The following FLRT2 variants were observed in gnomAD, a reference collection of about 807,000 sequenced individuals.
The protein encoded by FLRT2 is fibronectin leucine rich transmembrane protein 2, also known as leucine-rich repeat transmembrane protein FLRT2.
In FLRT2, 15 loss-of-function variants were observed where a neutral mutation model predicts 40.0. The ratio of observed to expected loss-of-function variants is 0.38; its 90% confidence interval spans 0.25 to 0.58. The LOEUF is 0.58. Among genes scored for constraint, FLRT2 ranks in the 20% least tolerant of loss-of-function variants. FLRT2 has a pLI of 0.71. For missense variants in FLRT2, 726 were observed against 840.0 expected, an observed-to-expected ratio of 0.86 and a Z score of 1.68; for synonymous variants, 380 against 336.8, an observed-to-expected ratio of 1.13 and a Z score of -1.41.
chr14:85,562,960 T>C (rs1008461176), intron 1 of FLRT2: 2 of 152,168 alleles, frequency 1.3e-5, no homozygotes, highest in Non-Finnish European at 2.9e-5. Flanking sequence ...AGAAGCAGGA[T>C]GTACCAGAAA....
chr14:85,598,901 A>C (rs1470811391), intron 1 of FLRT2, among the ~76,000 whole-genome samples: 2 of 150,090 alleles, frequency 1.3e-5, no homozygotes, highest in Non-Finnish European at 2.9e-5. Flanking sequence ...AAGATGAAAT[A>C]AGAGAAATGG....
At chr14:85,599,133 G>A (rs978000757) in intron 1 of FLRT2, among the ~76,000 whole-genome samples, 2 of 151,404 alleles carry the variant, frequency 1.3e-5, no homozygotes, top group African/African-American at 4.8e-5. Context: ...TGTTAGCCAG[G>A]ATGATCTTGA....
rs572525412 is a variant in FLRT2 at position 85,621,297 on chromosome 14, A to T, written c.-218A>T. On this transcript the variant is annotated 5_prime_UTR_variant, in exon 2 of 2. Transcript: ENST00000330753. ...AGTGTGGAAAAATTCTCCCTGTTGA[A>T]TTTTTTGCACATGGAGGACAGCAGC... is the stretch of plus-strand genomic sequence containing the variant. 1.9e-6 allele frequency: 1 copy of T among 535,838 alleles called. No individual in the cohort carries two copies. Among genetic ancestry groups the T allele is most frequent in the East Asian group, 3.0e-5 (1 of 33,642 alleles). The allele number at this position is 535,838 out of a possible 1,614,324, so 33.2% of individuals were successfully genotyped here.
chr14:85,594,049 A>C (rs1221083315), intron 1 of FLRT2, among the ~76,000 whole-genome samples: 1 of 152,058 alleles, frequency 6.6e-6, no homozygotes, highest in Non-Finnish European at 1.5e-5. Context: ...CTCAAAAACA[A>C]AACAAAACAA....
Position 85,630,345 on chromosome 14 carries a change from C to A in FLRT2, c.*6848C>A, listed in dbSNP as rs1893836626. The A allele has an allele frequency of 8.4e-6, 1 of 119,508 alleles. No individual in the cohort carries two copies. The highest frequency in any genetic ancestry group is 2.8e-4 in the South Asian group (1 of 3,512). 7.4% of individuals were successfully genotyped at this position (119,508 alleles called of 1,614,324 possible). A position where few individuals can be genotyped will look rare whatever the true frequency, so the allele number is the denominator to read the frequency against. Reference sequence around the variant, plus strand: ...AAACTAGACGAAAACCTCAATATATCCTTAGGGGAATTCTTATTACTTCAA... The same window carrying A: ...AAACTAGACGAAAACCTCAATATATACTTAGGGGAATTCTTATTACTTCAA... On this transcript the variant is annotated 3_prime_UTR_variant, in exon 2 of 2. Coordinates refer to ENST00000330753, the MANE Select transcript of FLRT2 (RefSeq NM_013231.6).
At chr14:85,537,438 A>G (rs1197749618) in intron 1 of FLRT2, among the ~76,000 whole-genome samples, 1 of 152,170 alleles carries the variant, frequency 6.6e-6, no homozygotes, top group Non-Finnish European at 1.5e-5. Flanking sequence ...AACAACCATT[A>G]TCTTACTTCA....
chr14:85,583,742 G>A (rs933146520), intron 1 of FLRT2, among the ~76,000 whole-genome samples: 1 of 152,132 alleles, frequency 6.6e-6, no homozygotes, highest in Admixed American at 6.6e-5. Flanking sequence ...AAGAGCAGAG[G>A]CAGAAGCCTC....
intron 1 of FLRT2, among the ~76,000 whole-genome samples, chr14:85,611,912 G>GCGCGA (rs1204451219): frequency 7.0e-6 from 1 of 143,860 alleles, no homozygotes; most frequent in African/African-American, 2.6e-5. Context: ...GCGCGTGCGC[G>GCGCGA]AAAGCGTGTG....
rs1277408029 is a variant in FLRT2 at position 85,637,912 on chromosome 14, T to C, written c.*14415T>C. On this transcript the variant is annotated 3_prime_UTR_variant, in exon 2 of 2. Coordinates refer to ENST00000330753, the MANE Select transcript of FLRT2 (RefSeq NM_013231.6). ...AGTGTCATTTAAAGGGAATTTAAATTCTCTCTTGTCCTTACTCTGCTCCAC... is the reference window on the plus strand; with the variant it reads ...AGTGTCATTTAAAGGGAATTTAAATCCTCTCTTGTCCTTACTCTGCTCCAC... The C allele has an allele frequency of 6.6e-6, 1 of 152,168 alleles. No individual in the cohort carries two copies. 9.4% of individuals were successfully genotyped at this position (152,168 alleles called of 1,614,324 possible).
At chr14:85,565,381 A>G (rs1206839064) in intron 1 of FLRT2, among the ~76,000 whole-genome samples, 1 of 152,152 alleles carries the variant, frequency 6.6e-6, no homozygotes, top group Non-Finnish European at 1.5e-5. Flanking sequence ...TGAAGTGTGG[A>G]TATGTGACAG....
rs1011412603 is a variant in FLRT2 at position 85,637,421 on chromosome 14, G to T, written c.*13924G>T. 1 of 152,118 alleles carries T rather than the reference G, an allele frequency of 6.6e-6. No individual in the cohort carries two copies. Among genetic ancestry groups the T allele is most frequent in the Non-Finnish European group, 1.5e-5 (1 of 68,018 alleles). The allele number at this position is 152,118 out of a possible 1,614,324, so 9.4% of individuals were successfully genotyped here. A position where few individuals can be genotyped will look rare whatever the true frequency, so the allele number is the denominator to read the frequency against. On this transcript the variant is annotated 3_prime_UTR_variant, in exon 2 of 2. Coordinates refer to ENST00000330753, the MANE Select transcript of FLRT2 (RefSeq NM_013231.6). ...ATGTTTGGTTTCATATTTTTTAAAA[G>T]GTATAACAAAAACACCTACCACAGT... is the stretch of plus-strand genomic sequence containing the variant.
intron 1 of FLRT2, among the ~76,000 whole-genome samples, chr14:85,562,062 C>T (rs1411416606): frequency 1.3e-5 from 2 of 152,290 alleles, no homozygotes; most frequent in Non-Finnish European, 2.9e-5. Context: ...GACTCTTTCC[C>T]GCTACAGGGA....
At chr14:85,578,587 G>T (rs927489798) in intron 1 of FLRT2, among the ~76,000 whole-genome samples, 3 of 152,148 alleles carry the variant, frequency 2.0e-5, no homozygotes, top group African/African-American at 7.2e-5. Context: ...TCAGGACAAA[G>T]CTTTCAACCC....
At chr14:85,619,979 CTAG>C (rs1365373574) in intron 1 of FLRT2, among the ~76,000 whole-genome samples, 1 of 152,176 alleles carries the variant, frequency 6.6e-6, no homozygotes, top group Non-Finnish European at 1.5e-5. Flanking sequence ...TAATTTACCC[CTAG>C]TCGTGAGCTT....
intron 1 of FLRT2, among the ~76,000 whole-genome samples, chr14:85,613,246 G>A (rs1201622062): frequency 7.2e-5 from 11 of 152,110 alleles, no homozygotes; most frequent in Admixed American, 6.6e-4. Flanking sequence ...GAACTGAACT[G>A]TTAGGTACAT....
rs1269360506 is a variant in FLRT2, at chr14:85,634,894, T to C, written c.*11397T>C. 1 of 152,180 alleles carries C rather than the reference T, an allele frequency of 6.6e-6. No individual in the cohort carries two copies. The highest frequency in any genetic ancestry group is 1.5e-5 in the Non-Finnish European group (1 of 68,030). 9.4% of individuals were successfully genotyped at this position (152,180 alleles called of 1,614,324 possible). A position where few individuals can be genotyped will look rare whatever the true frequency, so the allele number is the denominator to read the frequency against. Reference sequence around the variant, plus strand: ...TCTTATAGTCAAAAGCGCAGGAATTTAGTTGATCTCCCAAGTTACTTTGGA... The same window carrying C: ...TCTTATAGTCAAAAGCGCAGGAATTCAGTTGATCTCCCAAGTTACTTTGGA... On this transcript the variant is annotated 3_prime_UTR_variant, in exon 2 of 2. Transcript: ENST00000330753.
chr14:85,627,799 G>A lies in FLRT2; in HGVS notation c.*4302G>A, dbSNP rs1893753696. The A allele has an allele frequency of 6.0e-6, 1 of 167,092 alleles. No individual in the cohort carries two copies. The allele number at this position is 167,092 out of a possible 1,614,324, so 10.4% of individuals were successfully genotyped here. A position where few individuals can be genotyped will look rare whatever the true frequency, so the allele number is the denominator to read the frequency against. Reference sequence around the variant, plus strand: ...AGTGTGTTCTCTCTGATAAGGGGCTGAAAGATTCTGCATCACACATCCTCT... The same window carrying A: ...AGTGTGTTCTCTCTGATAAGGGGCTAAAAGATTCTGCATCACACATCCTCT... On this transcript the variant is annotated 3_prime_UTR_variant, in exon 2 of 2. Transcript: ENST00000330753.
chr14:85,531,346 T>C (rs1888260865), intron 1 of FLRT2: 1 of 152,392 alleles, frequency 6.6e-6, no homozygotes, highest in Non-Finnish European at 1.5e-5. Context: ...TGTTACCAAG[T>C]CTCTCCACAG....
In FLRT2 at chr14:85,640,485, C is replaced by T. The variant is rs1479983496; in HGVS notation, c.*16988C>T. The T allele has an allele frequency of 6.6e-6, 1 of 152,048 alleles. No homozygotes were observed. The highest frequency in any genetic ancestry group is 2.4e-5 in the African/African-American group (1 of 41,416). The allele number at this position is 152,048 out of a possible 1,614,324, so 9.4% of individuals were successfully genotyped here. ...AGAGGTTTTCTTTAATTGTTTAATT[C>T]ATAGGAAAGCCACTGGGAGCCTTCT... On this transcript the variant is annotated 3_prime_UTR_variant, in exon 2 of 2. Transcript: ENST00000330753.
Sources: allele counts gnomAD v4.1 joint callset (sites outside exome capture counted in the v4.1 genomes callset), GRCh38; gene constraint gnomAD v4.1.1; transcripts MANE v1.5; gene names NCBI Gene and HGNC (gene_info 2026-07-23, HGNC 2026-07-21).